ECRG4: variants seen among roughly 807,000 people sequenced by gnomAD.
ECRG4 encodes the protein ECRG4 augurin precursor.
ECRG4 carries 18 observed loss-of-function variants against 15.8 expected under a neutral mutation model. The ratio of observed to expected loss-of-function variants is 1.14; its 90% CI spans 0.79 to 1.69. The LOEUF is 1.69. ECRG4 is among the 40% of genes most tolerant of loss of function. ECRG4 has a pLI of 0.00. For missense variants in ECRG4, 200 were observed against 190.9 expected (o/e 1.05, Z -0.28); for synonymous variants, 82 against 73.9 (o/e 1.11, Z -0.56).
chr2:106,073,570 C>T (rs972524988), intron 2 of ECRG4, among the ~76,000 whole-genome samples: 2 of 152,142 alleles, frequency 1.3e-5, no homozygotes, highest in Non-Finnish European at 2.9e-5. Context: ...CCATTTGCCC[C>T]GGGAAAGGCC....
chr2:106,065,295 G>A (rs1676183646), upstream of ECRG4, among the ~76,000 whole-genome samples: 1 of 151,512 alleles, frequency 6.6e-6, no homozygotes, highest in Non-Finnish European at 1.5e-5. Flanking sequence ...GGCTGGGGCG[G>A]GCGGAGGAAG....
chr2:106,071,135 T>C (rs1676356675), intron 1 of ECRG4: 1 of 405,464 alleles, frequency 2.5e-6, no homozygotes. Context: ...GGCTGCACTT[T>C]TAGAGAGCAA....
chr2:106,065,911 G>T, intron 1 of ECRG4, 68 bp downstream of exon 1: 2 of 1,346,226 alleles, frequency 1.5e-6, no homozygotes, highest in South Asian at 3.0e-5. Context: ...CGCTTCCATG[G>T]TGCCCGGGGA....
At position 106,067,065 on chromosome 2, in the gene ECRG4, G is replaced by C. The variant is rs1395108035; in HGVS notation, c.79+1222G>C. Among the ~76,000 whole-genome samples the C allele has an allele frequency of 8.7e-5, 8 of 91,838 alleles. 2 individuals carry two copies. The highest frequency in any genetic ancestry group is 1.5e-4 in the Non-Finnish European group (6 of 40,328). The allele number at this position is 91,838 out of a possible 152,430, so 60.2% of individuals were successfully genotyped here. A position where few individuals can be genotyped will look rare whatever the true frequency, so the allele number is the denominator to read the frequency against. On this transcript the variant is annotated intron_variant, in intron 1 of 3. Transcript: ENST00000238044. ...TCCCAGCACTTTGGGAGGCCGGGGG[G>C]GGGGGGGGGGCAGATCACCTGAGGT... is the stretch of plus-strand genomic sequence containing the variant.
intron 1 of ECRG4, chr2:106,070,909 A>G (rs1199042598): frequency 6.4e-6 from 3 of 471,252 alleles, no homozygotes; most frequent in Non-Finnish European, 8.8e-6. Context: ...TCTACTCACT[A>G]CTTACGATGT....
intron 1 of ECRG4, among the ~76,000 whole-genome samples, chr2:106,070,183 C>T (rs1423977826): frequency 6.6e-6 from 1 of 152,174 alleles, no homozygotes; most frequent in Non-Finnish European, 1.5e-5. Flanking sequence ...CAAAAGGAGG[C>T]ACTATCATTA....
chr2:106,069,509 A>G (rs1018300265), intron 1 of ECRG4, among the ~76,000 whole-genome samples: 3 of 151,786 alleles, frequency 2.0e-5, no homozygotes, highest in Admixed American at 6.6e-5. Flanking sequence ...AATTTTTTGT[A>G]TTTTTAGTAG....
In ECRG4 at chr2:106,069,236, C is replaced by CTTTTTTA. The variant is rs1219441264; in HGVS notation, c.80-2604_80-2603insTTATTTT. Among the ~76,000 whole-genome samples, 149 of 122,514 alleles carry CTTTTTTA rather than the reference C, an allele frequency of 1.2e-3. 2 individuals are homozygous for CTTTTTTA. Among genetic ancestry groups the CTTTTTTA allele is most frequent in the African/African-American group, 4.5e-3 (137 of 30,146 alleles). 80.4% of individuals were successfully genotyped at this position (122,514 alleles called of 152,430 possible). A position where few individuals can be genotyped will look rare whatever the true frequency, so the allele number is the denominator to read the frequency against. ...TCTTTTCTTTCTTCTTTCCTTCTTTCTTTTCTTTCTTTCTTCTTTCTCTTT... is the reference window on the plus strand; with the variant it reads ...TCTTTTCTTTCTTCTTTCCTTCTTTCTTTTTTATTTTCTTTCTTTCTTCTTTCTCTTT... On this transcript the variant is annotated intron_variant, in intron 1 of 3. Transcript: ENST00000238044.
intron 1 of ECRG4, among the ~76,000 whole-genome samples, chr2:106,067,939 A>C (rs1360344328): frequency 1.3e-5 from 2 of 151,394 alleles, no homozygotes; most frequent in Non-Finnish European, 2.9e-5. Flanking sequence ...GACTCAAGCA[A>C]TCCTCCCACC....
chr2:106,074,144 G>C, intron 3 of ECRG4, 101 bp downstream of exon 3: 4 of 1,399,580 alleles, frequency 2.9e-6, no homozygotes, highest in African/African-American at 1.4e-5. Context: ...CAGCTTTGCT[G>C]TTCATTCCTA....
At chr2:106,069,202 TTTTTA>T (rs1177334180) in intron 1 of ECRG4, among the ~76,000 whole-genome samples, 16 of 150,164 alleles carry the variant, frequency 1.1e-4, no homozygotes, top group African/African-American at 3.5e-4. Flanking sequence ...TCTTCTTTCT[TTTTTA>T]TTTTCTTTTC....
chr2:106,065,910 G>A, intron 1 of ECRG4, 67 bp downstream of exon 1: 2 of 1,342,424 alleles, frequency 1.5e-6, no homozygotes, highest in Non-Finnish European at 2.0e-6. Context: ...GCGCTTCCAT[G>A]GTGCCCGGGG....
At chr2:106,076,297 G>T (rs1397050989) in intron 3 of ECRG4, among the ~76,000 whole-genome samples, 3 of 152,014 alleles carry the variant, frequency 2.0e-5, no homozygotes, top group Non-Finnish European at 4.4e-5. Context: ...CTCCAGCCTG[G>T]GTGAAAGAGT....
At chr2:106,066,445 G>C (rs1293095457) in intron 1 of ECRG4, among the ~76,000 whole-genome samples, 1 of 152,172 alleles carries the variant, frequency 6.6e-6, no homozygotes, top group Non-Finnish European at 1.5e-5. Context: ...GCATTCACAC[G>C]CACACCCAGA....
At chr2:106,070,981 C>T (rs141556784) in intron 1 of ECRG4, 13 of 471,274 alleles carry the variant, frequency 2.8e-5, no homozygotes, top group African/African-American at 2.2e-4. Context: ...TGGGTGGAGG[C>T]GTGTGTTCTA....
intron 3 of ECRG4, among the ~76,000 whole-genome samples, chr2:106,076,047 G>A (rs773039716): frequency 6.6e-6 from 1 of 152,174 alleles, no homozygotes; most frequent in Non-Finnish European, 1.5e-5. Flanking sequence ...TGGGCACAGT[G>A]GCTCACGCCT....
At chr2:106,069,104 CTT>C (rs1558655601) in intron 1 of ECRG4, among the ~76,000 whole-genome samples, 8 of 135,816 alleles carry the variant, frequency 5.9e-5, no homozygotes, top group Non-Finnish European at 3.3e-5. Context: ...TCCTTCCTTC[CTT>C]CCTTCTTTTT....
intron 1 of ECRG4, 72 bp downstream of exon 1, chr2:106,065,915 C>A: frequency 1.5e-6 from 2 of 1,308,134 alleles, no homozygotes; most frequent in South Asian, 3.0e-5. Context: ...TCCATGGTGC[C>A]CGGGGAGAGC....
At chr2:106,069,147 CT>C (rs1297197813) in intron 1 of ECRG4, among the ~76,000 whole-genome samples, 15 of 127,070 alleles carry the variant, frequency 1.2e-4, no homozygotes, top group African/African-American at 4.3e-4. Flanking sequence ...TTCTTTCTTT[CT>C]TTTCTTTCTT....
Sources: allele counts gnomAD v4.1 joint callset (sites outside exome capture counted in the v4.1 genomes callset), GRCh38; gene constraint gnomAD v4.1.1; transcripts MANE v1.5; gene names NCBI Gene and HGNC (gene_info 2026-07-23, HGNC 2026-07-21).